Variants in USP10 observed in about 807,000 individuals in gnomAD.
USP10 encodes ubiquitin specific peptidase 10.
In USP10, 22 loss-of-function variants were observed where a neutral mutation model predicts 84.5. That is an observed-to-expected ratio of 0.26 (90% CI 0.19 to 0.37). The LOEUF is 0.37. USP10 is among the 10% of genes least tolerant of loss of function. The pLI is 1.00. For missense variants in USP10, 1,019 were observed against 998.9 expected, an observed-to-expected ratio of 1.02 and a Z score of -0.27; for synonymous variants, 454 against 387.6, an observed-to-expected ratio of 1.17 and a Z score of -2.01.
In USP10 at chr16:84,751,398, T is replaced by G. The variant is rs114797475; in HGVS notation, c.1192+5725T>G. Among the ~76,000 whole-genome samples the G allele has an allele frequency of 6.4e-3, 981 of 152,350 alleles. 11 individuals are homozygous for G. The highest frequency in any genetic ancestry group is 0.022 in the African/African-American group (931 of 41,578). On this transcript the variant is annotated intron_variant, in intron 4 of 13. Coordinates refer to ENST00000219473, the MANE Select transcript of USP10 (RefSeq NM_005153.3). ...CCCCCGCTCCTTGGGGGAAATGGTTTCTCAGATATTTTGCACTTCCTCTTC... is the reference window on the plus strand; with the variant it reads ...CCCCCGCTCCTTGGGGGAAATGGTTGCTCAGATATTTTGCACTTCCTCTTC...
chr16:84,707,416 G>A (rs1016105796), intron 1 of USP10, among the ~76,000 whole-genome samples: 34 of 151,850 alleles, frequency 2.2e-4, no homozygotes, highest in East Asian at 5.8e-4. Context: ...TTTAAGACAC[G>A]AAAACAGCAC....
chr16:84,719,497 C>G (rs1433898692), intron 1 of USP10, among the ~76,000 whole-genome samples: 1 of 152,182 alleles, frequency 6.6e-6, no homozygotes, highest in East Asian at 1.9e-4. Context: ...GCAGGTGTGG[C>G]CTGAGGATGC....
At chr16:84,733,548 T>G (rs368184409) in intron 2 of USP10, 45 bp downstream of exon 2, 1 of 1,282,674 alleles carries the variant, frequency 7.8e-7, no homozygotes, top group South Asian at 1.4e-5. Flanking sequence ...TAGATACAAT[T>G]AATAGTTATG....
chr16:84,779,327 C>T lies in USP10; in HGVS notation c.*245C>T. Reference sequence around the variant, plus strand: ...TTGATTTTAGAAAATACACAAAAACCCATATTTCTGAAATAATGCTGATTC... The same window carrying T: ...TTGATTTTAGAAAATACACAAAAACTCATATTTCTGAAATAATGCTGATTC... On this transcript the variant is annotated 3_prime_UTR_variant, in exon 14 of 14. Transcript: ENST00000219473. The T allele has an allele frequency of 5.5e-6, 2 of 360,992 alleles. No homozygotes were observed. The allele number at this position is 360,992 out of a possible 1,614,324, so 22.4% of individuals were successfully genotyped here.
At chr16:84,764,045 T>G (rs1377682680) in intron 9 of USP10, 41 bp from the exon 10 acceptor site, 5 of 1,555,706 alleles carry the variant, frequency 3.2e-6, no homozygotes, top group Admixed American at 4.5e-5. Flanking sequence ...TTTGCTGTTC[T>G]TGTCGTAAAT....
intron 1 of USP10, among the ~76,000 whole-genome samples, chr16:84,700,444 C>CCGCCG (rs980385970): frequency 6.6e-6 from 1 of 151,946 alleles, no homozygotes; most frequent in African/African-American, 2.4e-5. Context: ...GGGGCCCTCC[C>CCGCCG]CGCCGCGCCG....
chr16:84,707,419 A>T (rs962005253), intron 1 of USP10, among the ~76,000 whole-genome samples: 1 of 152,240 alleles, frequency 6.6e-6, no homozygotes. Flanking sequence ...AAGACACGAA[A>T]ACAGCACAGA....
intron 1 of USP10, among the ~76,000 whole-genome samples, chr16:84,719,327 C>A (rs1307717311): frequency 6.6e-6 from 1 of 152,160 alleles, no homozygotes; most frequent in Non-Finnish European, 1.5e-5. Flanking sequence ...TTTCTCCCAC[C>A]TCCTCAGTTG....
intron 4 of USP10, among the ~76,000 whole-genome samples, chr16:84,747,637 C>T (rs1367223805): frequency 7.3e-6 from 1 of 137,286 alleles, no homozygotes; most frequent in Non-Finnish European, 1.5e-5. Flanking sequence ...GATCTTGGCT[C>T]ACTACAACCT....
Position 84,779,310 on chromosome 16 carries a change from A to G in USP10, c.*228A>G. On this transcript the variant is annotated 3_prime_UTR_variant, in exon 14 of 14. Transcript: ENST00000219473. ...TTGAAACAGACTGTTGCTTGATTTT[A>G]GAAAATACACAAAAACCCATATTTC... is the stretch of plus-strand genomic sequence containing the variant. 2.4e-6 allele frequency: 1 copy of G among 420,108 alleles called. No homozygotes were observed. Among genetic ancestry groups the G allele is most frequent in the Non-Finnish European group, 4.2e-6 (1 of 237,298 alleles). The allele number at this position is 420,108 out of a possible 1,614,324, so 26.0% of individuals were successfully genotyped here.
intron 2 of USP10, among the ~76,000 whole-genome samples, chr16:84,736,119 C>T (rs754371972): frequency 7.4e-5 from 11 of 148,802 alleles, no homozygotes; most frequent in Non-Finnish European, 1.6e-4. Flanking sequence ...CGTGTCACTT[C>T]TACAGCACAG....
intron 1 of USP10, among the ~76,000 whole-genome samples, chr16:84,700,435 G>C (rs1006687462): frequency 6.6e-6 from 1 of 151,854 alleles, no homozygotes; most frequent in African/African-American, 2.4e-5. Context: ...GTGTGGAGTG[G>C]GGCCCTCCCC....
chr16:84,778,447 C>A (rs770139727), intron 13 of USP10, among the ~76,000 whole-genome samples: 2 of 152,116 alleles, frequency 1.3e-5, no homozygotes, highest in Non-Finnish European at 2.9e-5. Context: ...CTTCTAGTGG[C>A]TATTGAGGTT....
At chr16:84,769,607 C>T (rs551324890) in intron 11 of USP10, among the ~76,000 whole-genome samples, 1 of 152,066 alleles carries the variant, frequency 6.6e-6, no homozygotes, top group East Asian at 1.9e-4. Flanking sequence ...CGGCTTGGCT[C>T]ACTTCTGTGG....
intron 2 of USP10, among the ~76,000 whole-genome samples, chr16:84,735,201 GT>G (rs1909753807): frequency 1.9e-5 from 1 of 52,674 alleles, no homozygotes; most frequent in Non-Finnish European, 3.8e-5. Context: ...CGGGTGGTGT[GT>G]GTGTGTGTGT....
chr16:84,705,560 C>T (rs192635013), intron 1 of USP10, among the ~76,000 whole-genome samples: 1 of 151,998 alleles, frequency 6.6e-6, no homozygotes, highest in Admixed American at 6.6e-5. Flanking sequence ...CTGATTTTTA[C>T]ATCTAGCTGA....
At chr16:84,766,701 G>C (rs1366802226) in intron 10 of USP10, among the ~76,000 whole-genome samples, 1 of 152,312 alleles carries the variant, frequency 6.6e-6, no homozygotes, top group South Asian at 2.1e-4. Context: ...TGGAGGACTT[G>C]CTGGCTCAGA....
intron 10 of USP10, among the ~76,000 whole-genome samples, chr16:84,764,931 G>GAGAGAAAAAAAA (rs11373757): frequency 2.6e-3 from 103 of 39,242 alleles, no homozygotes; most frequent in South Asian, 7.2e-3. Flanking sequence ...GAGAGAGAGA[G>GAGAGAAAAAAAA]AAAAAAAAAT....
intron 12 of USP10, among the ~76,000 whole-genome samples, chr16:84,774,105 C>T (rs1003268187): frequency 6.6e-6 from 1 of 152,006 alleles, no homozygotes; most frequent in African/African-American, 2.4e-5. Context: ...CAAAAATTAG[C>T]CTAGCATGGT....
Sources: allele counts gnomAD v4.1 joint callset (sites outside exome capture counted in the v4.1 genomes callset), GRCh38; gene constraint gnomAD v4.1.1; transcripts MANE v1.5; gene names NCBI Gene and HGNC (gene_info 2026-07-23, HGNC 2026-07-21).